EPHA6: variants seen among roughly 807,000 people sequenced by gnomAD.
EPHA6 encodes EPH receptor A6, also known as ephrin type-A receptor 6.
EPHA6 carries 50 observed loss-of-function variants against 112.0 expected under a neutral mutation model. The ratio of observed to expected loss-of-function variants is 0.45; its 90% confidence interval spans 0.36 to 0.56. EPHA6 has a LOEUF of 0.56. EPHA6 is among the 20% of genes least tolerant of loss of function. The pLI, the probability that EPHA6 is intolerant of heterozygous loss-of-function variation, is 0.00. For synonymous variants in EPHA6, 529 were observed against 490.7 expected (o/e 1.08, Z -1.03); for missense variants, 1,280 against 1,417.4 (o/e 0.90, Z 1.56).
intron 14 of EPHA6, among the ~76,000 whole-genome samples, chr3:97,704,588 T>A (rs573665025): frequency 2.0e-5 from 3 of 152,318 alleles, no homozygotes; most frequent in African/African-American, 7.2e-5. Context: ...CCATATCCTA[T>A]TGGTTCTCTT....
At chr3:97,590,632 G>A (rs1476455685) in intron 11 of EPHA6, among the ~76,000 whole-genome samples, 1 of 151,758 alleles carries the variant, frequency 6.6e-6, no homozygotes, top group Admixed American at 6.6e-5. Flanking sequence ...ATGTTATTAT[G>A]TTTCTTTATG....
intron 3 of EPHA6, among the ~76,000 whole-genome samples, chr3:97,020,745 A>G (rs1315221302): frequency 1.3e-5 from 2 of 152,170 alleles, no homozygotes; most frequent in African/African-American, 4.8e-5. Context: ...ATCTCAAAAT[A>G]TAGACACACC....
At chr3:97,687,249 T>A (rs993379908) in intron 14 of EPHA6, among the ~76,000 whole-genome samples, 1 of 152,144 alleles carries the variant, frequency 6.6e-6, no homozygotes, top group Admixed American at 6.6e-5. Context: ...GATCCTTCAC[T>A]ATAAAAAAAA....
intron 3 of EPHA6, among the ~76,000 whole-genome samples, chr3:97,216,766 T>C (rs1259270865): frequency 2.0e-5 from 3 of 152,210 alleles, no homozygotes; most frequent in African/African-American, 7.2e-5. Context: ...TTCATCTAAG[T>C]ATTCTGGTAC....
chr3:96,996,360 A>G (rs1354172882), intron 3 of EPHA6, among the ~76,000 whole-genome samples: 1 of 152,090 alleles, frequency 6.6e-6, no homozygotes, highest in East Asian at 1.9e-4. Context: ...CATGAATCAC[A>G]GATGTTCTTA....
intron 3 of EPHA6, among the ~76,000 whole-genome samples, chr3:97,102,720 A>G (rs1177146036): frequency 1.3e-5 from 2 of 152,000 alleles, no homozygotes; most frequent in East Asian, 1.9e-4. Flanking sequence ...CAATAGTTGA[A>G]CTAATTTACA....
chr3:97,067,158 A>T lies in EPHA6; in HGVS notation c.1114+79165A>T, dbSNP rs191498839. Among the ~76,000 whole-genome samples, 33 of 152,246 alleles carry T rather than the reference A, an allele frequency of 2.2e-4. No individual in the cohort carries two copies. In the East Asian group the frequency reaches 6.0e-3, roughly 28 times the overall value. On this transcript the variant is annotated intron_variant, in intron 3 of 17. Coordinates refer to ENST00000389672, the MANE Select transcript of EPHA6 (RefSeq NM_001080448.3). The stretch of plus-strand genomic sequence containing the variant: ...TAAATTTCCAAAGTGTTCATAATTT[A>T]GTTTTTGTTGCCTGCCAGTGTCCAT...
chr3:97,266,635 G>C (rs2079694759), intron 5 of EPHA6, among the ~76,000 whole-genome samples: 1 of 152,104 alleles, frequency 6.6e-6, no homozygotes, highest in African/African-American at 2.4e-5. Flanking sequence ...AAAAGCCTGG[G>C]TAGATTTGTA....
chr3:97,499,639 C>A (rs2092067561), intron 10 of EPHA6, among the ~76,000 whole-genome samples: 1 of 152,118 alleles, frequency 6.6e-6, no homozygotes, highest in Non-Finnish European at 1.5e-5. Flanking sequence ...AAGCATACTG[C>A]ACTGAATACC....
chr3:97,172,098 G>T (rs558380201), intron 3 of EPHA6, among the ~76,000 whole-genome samples: 1 of 151,996 alleles, frequency 6.6e-6, no homozygotes, highest in African/African-American at 2.4e-5. Context: ...GGCCAAAAAA[G>T]TGGTGGGTGC....
At chr3:97,003,085 A>G (rs2043728796) in intron 3 of EPHA6, among the ~76,000 whole-genome samples, 1 of 151,930 alleles carries the variant, frequency 6.6e-6, no homozygotes, top group South Asian at 2.1e-4. Context: ...TCATTTGGAC[A>G]TAGGGTGAGT....
chr3:96,831,746 A>G (rs1041488346), intron 1 of EPHA6, among the ~76,000 whole-genome samples: 37 of 152,188 alleles, frequency 2.4e-4, no homozygotes, highest in African/African-American at 8.7e-4. Flanking sequence ...TTTGCAAGCA[A>G]TAGGAATTGA....
At chr3:97,502,816 G>C (rs1453659043) in intron 10 of EPHA6, among the ~76,000 whole-genome samples, 3 of 81,452 alleles carry the variant, frequency 3.7e-5, no homozygotes, top group African/African-American at 4.7e-5. Flanking sequence ...GCTGGTAAAA[G>C]AGCAAGACTC....
chr3:97,031,632 C>A (rs1433571829), intron 3 of EPHA6, among the ~76,000 whole-genome samples: 4 of 152,204 alleles, frequency 2.6e-5, no homozygotes, highest in Admixed American at 2.6e-4. Context: ...AAAAAGTGGG[C>A]AAAGGACATG....
At chr3:97,065,896 A>G (rs1262240592) in intron 3 of EPHA6, among the ~76,000 whole-genome samples, 1 of 152,114 alleles carries the variant, frequency 6.6e-6, no homozygotes, top group African/African-American at 2.4e-5. Context: ...AAAAAATCCT[A>G]GTAAATAATA....
chr3:97,130,690 T>A (rs1205682716), intron 3 of EPHA6, among the ~76,000 whole-genome samples: 3 of 152,186 alleles, frequency 2.0e-5, no homozygotes, highest in Non-Finnish European at 4.4e-5. Context: ...CCAATATGCA[T>A]ATTAATTCAT....
At chr3:97,248,737 G>A (rs537573081) in intron 5 of EPHA6, among the ~76,000 whole-genome samples, 1 of 152,174 alleles carries the variant, frequency 6.6e-6, no homozygotes, top group South Asian at 2.1e-4. Flanking sequence ...TGTACCTACT[G>A]TAGCAGGAAT....
intron 3 of EPHA6, among the ~76,000 whole-genome samples, chr3:97,193,763 C>A (rs1576658086): frequency 1.3e-5 from 2 of 152,022 alleles, no homozygotes; most frequent in South Asian, 4.1e-4. Flanking sequence ...CACAGTATGA[C>A]TTTAGCTATA....
At chr3:97,258,105 T>C (rs928718466) in intron 5 of EPHA6, among the ~76,000 whole-genome samples, 4 of 152,136 alleles carry the variant, frequency 2.6e-5, no homozygotes, top group African/African-American at 9.6e-5. Context: ...ATACTCTGCA[T>C]TTCAATTGTA....
Sources: allele counts gnomAD v4.1 joint callset (sites outside exome capture counted in the v4.1 genomes callset), GRCh38; gene constraint gnomAD v4.1.1; transcripts MANE v1.5; gene names NCBI Gene and HGNC (gene_info 2026-07-23, HGNC 2026-07-21).